CDC34: variants seen among roughly 807,000 people sequenced by gnomAD.
CDC34 encodes ubiquitin-conjugating enzyme E2 R1.
A neutral mutation model predicts 26.8 loss-of-function variants in CDC34; 18 were observed. The ratio of observed to expected loss-of-function variants is 0.67; its 90% confidence interval spans 0.47 to 1.00. CDC34 has a LOEUF of 1.00. Among genes scored for constraint, CDC34 ranks in the 50% least tolerant of loss-of-function variants. The probability of loss-of-function intolerance (pLI) is 0.00; values close to 1 mark genes in which losing one functional copy is unlikely to be tolerated. For missense variants in CDC34, 280 were observed against 334.5 expected, an observed-to-expected ratio of 0.84 and a Z score of 1.27; for synonymous variants, 178 against 147.5, an observed-to-expected ratio of 1.21 and a Z score of -1.50.
chr19:532,099 C>T lies in CDC34; in HGVS notation c.168C>T (p.Gly56=). The T allele has an allele frequency of 1.3e-6, 2 of 1,513,572 alleles. No individual in the cohort carries two copies. The highest frequency in any genetic ancestry group is 1.8e-6 in the Non-Finnish European group (2 of 1,140,330). 93.8% of individuals were successfully genotyped at this position (1,513,572 alleles called of 1,614,324 possible). Residue 56 remains glycine, a synonymous_variant, in exon 1 of 5, where the codon GGC becomes GGT. Transcript: ENST00000215574. ...CCCCCAACACCTACTACGAGGGCGGCTACTTCAAGGTGAGCGCGGCGACCC... is the reference window on the plus strand; with the variant it reads ...CCCCCAACACCTACTACGAGGGCGGTTACTTCAAGGTGAGCGCGGCGACCC... The part of the protein sequence containing the change: ...FGPPNTYYEG[G]YFKARLKFPI...
intron 2 of CDC34, among the ~76,000 whole-genome samples, 157 bp from the exon 3 acceptor site, chr19:536,086 C>T (rs112405171): frequency 0.026 from 1,213 of 46,488 alleles, no homozygotes; most frequent in African/African-American, 0.05. Flanking sequence ...CCTTCCGGGA[C>T]CCGAGGCGCT....
chr19:535,464 C>T (rs569270011), intron 1 of CDC34, among the ~76,000 whole-genome samples: 1 of 152,222 alleles, frequency 6.6e-6, no homozygotes, highest in Admixed American at 6.5e-5. Context: ...GCCTGGAGCC[C>T]CTGCCAGTCC....
rs533730436 is a variant in CDC34 at position 532,227 on chromosome 19, C to T, written c.177+119C>T. On this transcript the variant is annotated intron_variant, in intron 1 of 4. Transcript: ENST00000215574. ...CTGGGCGGGCCCCGAAGCCTCCTGG[C>T]TTGGGCTCGTTTCCCTTCTATGGCC... 16 of 769,738 alleles carry T rather than the reference C, an allele frequency of 2.1e-5. 1 individual carries two copies. The South Asian group carries it at 3.8e-4, about 18-fold the overall frequency. 47.7% of individuals were successfully genotyped at this position (769,738 alleles called of 1,614,324 possible). A position where few individuals can be genotyped will look rare whatever the true frequency, so the allele number is the denominator to read the frequency against.
In CDC34 at chr19:531,925, C is replaced by A; in HGVS notation, c.-7C>A. ...CTGCTCCGACCCCGGGCCCCTCCGC[C>A]GCCGCCATGGCTCGGCCGCTAGTGC... On this transcript the variant is annotated 5_prime_UTR_variant, in exon 1 of 5. Transcript: ENST00000215574. 1 of 1,416,798 alleles carries A rather than the reference C, an allele frequency of 7.1e-7. No individual in the cohort carries two copies. The highest frequency in any genetic ancestry group is 1.5e-5 in the African/African-American group (1 of 65,452). The allele number at this position is 1,416,798 out of a possible 1,614,324, so 87.8% of individuals were successfully genotyped here.
chr19:539,220 C>G (rs1011469861), intron 4 of CDC34, among the ~76,000 whole-genome samples: 2 of 152,188 alleles, frequency 1.3e-5, no homozygotes, highest in Non-Finnish European at 2.9e-5. Context: ...GACCTCCAGA[C>G]CGTCCTCCAG....
chr19:539,906 G>A (rs1646939199), intron 4 of CDC34, among the ~76,000 whole-genome samples: 1 of 152,172 alleles, frequency 6.6e-6, no homozygotes, highest in Admixed American at 6.5e-5. Flanking sequence ...TGTACACGGT[G>A]CCCTCCAGGA....
intron 4 of CDC34, among the ~76,000 whole-genome samples, chr19:539,596 C>T (rs1227721476): frequency 1.3e-5 from 2 of 152,196 alleles, no homozygotes; most frequent in Non-Finnish European, 2.9e-5. Flanking sequence ...CTGTCTGCTC[C>T]CTGGTGCCCT....
At position 541,744 on chromosome 19, in the gene CDC34, A is replaced by C; in HGVS notation, c.*192A>C. The C allele has an allele frequency of 1.9e-6, 1 of 515,162 alleles. No individual in the cohort carries two copies. The allele number at this position is 515,162 out of a possible 1,614,324, so 31.9% of individuals were successfully genotyped here. A position where few individuals can be genotyped will look rare whatever the true frequency, so the allele number is the denominator to read the frequency against. On this transcript the variant is annotated 3_prime_UTR_variant, in exon 5 of 5. Transcript: ENST00000215574. ...AGAGAAGAGGGGCTGCCCCACCGCCACTCACGTCACTCGGGGCTCGGTGGA... is the reference window on the plus strand; with the variant it reads ...AGAGAAGAGGGGCTGCCCCACCGCCCCTCACGTCACTCGGGGCTCGGTGGA...
intron 2 of CDC34, 55 bp downstream of exon 2, chr19:535,978 G>A (rs1979720540): frequency 6.6e-7 from 1 of 1,523,868 alleles, no homozygotes; most frequent in African/African-American, 1.4e-5. Flanking sequence ...CCAGGGTGCT[G>A]GGAGCCTCAC....
chr19:541,297 C>G (rs1429970631), intron 4 of CDC34, 42 bp from the exon 5 acceptor site: 1 of 1,491,380 alleles, frequency 6.7e-7, no homozygotes, highest in South Asian at 1.3e-5. Context: ...GGGGCCGAGT[C>G]CAGGCACGTG....
chr19:537,429 T>C (rs1231886168), intron 4 of CDC34, among the ~76,000 whole-genome samples: 1 of 152,090 alleles, frequency 6.6e-6, no homozygotes, highest in Non-Finnish European at 1.5e-5. Context: ...CTCGGCTCAC[T>C]GCAAGCTCCG....
chr19:536,945 A>G, intron 3 of CDC34, 68 bp from the exon 4 acceptor site: 1 of 1,599,416 alleles, frequency 6.3e-7, no homozygotes, highest in Non-Finnish European at 8.6e-7. Context: ...CGTGACCCTC[A>G]GGGCCAGAGA....
intron 3 of CDC34, 94 bp from the exon 4 acceptor site, chr19:536,919 T>G: frequency 1.4e-6 from 2 of 1,431,004 alleles, no homozygotes; most frequent in South Asian, 1.2e-5. Flanking sequence ...ACCTGCTGGG[T>G]GGGTCCAGGC....
intron 4 of CDC34, 84 bp from the exon 5 acceptor site, chr19:541,255 G>A (rs949759500): frequency 5.6e-6 from 8 of 1,440,586 alleles, no homozygotes; most frequent in Non-Finnish European, 7.3e-6. Context: ...GCGTTGGGGT[G>A]AGCGTCGGAC....
chr19:541,519 C>G lies in CDC34; in HGVS notation c.678C>G (p.Asp226Glu), dbSNP rs765684353. Residue 226 changes from aspartate (D) to glutamate (E), a missense_variant, in exon 5 of 5, where the codon GAC becomes GAG. Physicochemically the swap from Asp to Glu is conservative, Grantham distance 45. Transcript: ENST00000215574. ...VEEEADSCFG[D>E]DEDDSGTEES ...AGGAGGCCGACAGCTGCTTCGGGGACGATGAGGATGACTCTGGCACGGAGG... is the reference window on the plus strand; with the variant it reads ...AGGAGGCCGACAGCTGCTTCGGGGAGGATGAGGATGACTCTGGCACGGAGG... The G allele has an allele frequency of 2.5e-6, 4 of 1,606,100 alleles. No homozygotes were observed. The highest frequency in any genetic ancestry group is 1.7e-4 in the Middle Eastern group (1 of 6,048).
At chr19:536,896 C>T in intron 3 of CDC34, 117 bp from the exon 4 acceptor site, 1 of 1,131,670 alleles carries the variant, frequency 8.8e-7, no homozygotes, top group South Asian at 1.4e-5. Flanking sequence ...GGCCATGAGG[C>T]CAGGTGAAGG....
chr19:540,798 G>GT (rs1421245403), intron 4 of CDC34, among the ~76,000 whole-genome samples: 799 of 40,060 alleles, frequency 0.02, 151 homozygotes, highest in South Asian at 0.073. Context: ...GGATGGCCAG[G>GT]CCCCCCGGTT....
chr19:538,811 CT>C (rs1259103442), intron 4 of CDC34: 17 of 985,146 alleles, frequency 1.7e-5, no homozygotes, highest in Non-Finnish European at 2.0e-5. Flanking sequence ...CCCGTGCGGC[CT>C]CCTGGGAAGT....
chr19:541,315 C>T, intron 4 of CDC34, 24 bp from the exon 5 acceptor site: 1 of 1,519,958 alleles, frequency 6.6e-7, no homozygotes, highest in South Asian at 1.2e-5. Flanking sequence ...GTGGGTGGCG[C>T]CCTCACCCAC....
Sources: allele counts gnomAD v4.1 joint callset (sites outside exome capture counted in the v4.1 genomes callset), GRCh38; gene constraint gnomAD v4.1.1; transcripts MANE v1.5; gene names NCBI Gene and HGNC (gene_info 2026-07-23, HGNC 2026-07-21).